Variants in CAMTA1 observed in about 807,000 individuals in gnomAD.
CAMTA1 encodes the protein calmodulin binding transcription activator 1.
Under a neutral mutation model 170.9 loss-of-function variants are expected in CAMTA1, and 27 were observed. The ratio of observed to expected loss-of-function variants is 0.16; its 90% CI spans 0.12 to 0.22. The LOEUF (loss-of-function observed/expected upper bound fraction) is 0.22. Among genes scored for constraint, CAMTA1 ranks in the 10% least tolerant of loss-of-function variants. The probability of loss-of-function intolerance (pLI) is 1.00; values close to 1 mark genes in which losing one functional copy is unlikely to be tolerated. For synonymous variants in CAMTA1, 833 were observed against 891.5 expected, an observed-to-expected ratio of 0.93 and a Z score of 1.17; for missense variants, 1,619 against 2,217.2, an observed-to-expected ratio of 0.73 and a Z score of 5.42.
chr1:7,728,069 G>A (rs560926014), intron 11 of CAMTA1, among the ~76,000 whole-genome samples: 1 of 152,356 alleles, frequency 6.6e-6, no homozygotes, highest in East Asian at 1.9e-4. Flanking sequence ...GCACATAATT[G>A]CTTCTGAGTA....
intron 6 of CAMTA1, among the ~76,000 whole-genome samples, chr1:7,600,111 T>C (rs1220720641): frequency 6.6e-6 from 1 of 152,210 alleles, no homozygotes; most frequent in Non-Finnish European, 1.5e-5. Context: ...TTGAGATACG[T>C]CCCATCAATA....
intron 11 of CAMTA1, among the ~76,000 whole-genome samples, chr1:7,728,963 C>T (rs2096711730): frequency 6.6e-6 from 1 of 152,170 alleles, no homozygotes; most frequent in African/African-American, 2.4e-5. Flanking sequence ...GAGTGAGACA[C>T]TTAGTGGCAG....
intron 5 of CAMTA1, among the ~76,000 whole-genome samples, chr1:7,287,524 G>A (rs1458012160): frequency 1.3e-5 from 2 of 151,774 alleles, no homozygotes; most frequent in Non-Finnish European, 2.9e-5. Flanking sequence ...TTTACACGTT[G>A]TATTGGTCAG....
In CAMTA1 at chr1:6,970,451, A is replaced by G. The variant is rs1692320279; in HGVS notation, c.235-120853A>G. Among the ~76,000 whole-genome samples the G allele has an allele frequency of 1.3e-5, 2 of 152,012 alleles. No individual in the cohort carries two copies. The highest frequency in any genetic ancestry group is 1.3e-4 in the Admixed American group (2 of 15,274). The stretch of plus-strand genomic sequence containing the variant: ...CAGAAGGAGTGGAGGCCGGTCCCAG[A>G]CCAGCATCGGTGAGGAGGTAATGGG... On this transcript the variant is annotated intron_variant, in intron 3 of 22. Transcript: ENST00000303635. The surrounding 1 kb of genome is among the most constrained non-coding windows in gnomAD (Gnocchi z 4.4).
intron 5 of CAMTA1, among the ~76,000 whole-genome samples, chr1:7,393,286 G>T (rs1042023537): frequency 1.1e-4 from 16 of 151,900 alleles, no homozygotes; most frequent in Middle Eastern, 6.8e-3. Flanking sequence ...TGTTTTTGAG[G>T]CAGGGTCCTA....
chr1:6,838,997 T>A (rs543945980), intron 3 of CAMTA1, among the ~76,000 whole-genome samples: 2 of 152,102 alleles, frequency 1.3e-5, no homozygotes, highest in Non-Finnish European at 2.9e-5. Context: ...CCTCAAATGA[T>A]CCTCTTGCCT....
chr1:7,686,560 G>A (rs1324146442), intron 11 of CAMTA1, among the ~76,000 whole-genome samples: 1 of 152,108 alleles, frequency 6.6e-6, no homozygotes, highest in Non-Finnish European at 1.5e-5. Context: ...GAGGCCACAT[G>A]GGATGCATCA....
chr1:7,479,704 G>A (rs2093480368), intron 6 of CAMTA1, among the ~76,000 whole-genome samples: 1 of 152,136 alleles, frequency 6.6e-6, no homozygotes, highest in Non-Finnish European at 1.5e-5. Context: ...CTGGAACCTA[G>A]GCCACCTCCC....
intron 7 of CAMTA1, among the ~76,000 whole-genome samples, chr1:7,655,698 C>T (rs554599154): frequency 2.6e-5 from 4 of 151,984 alleles, no homozygotes; most frequent in African/African-American, 9.7e-5. Flanking sequence ...TACACACACA[C>T]CTATACACAC....
chr1:7,037,455 A>G (rs140951658), intron 3 of CAMTA1, among the ~76,000 whole-genome samples: 5 of 152,304 alleles, frequency 3.3e-5, no homozygotes, highest in African/African-American at 7.2e-5. Flanking sequence ...CCCAGCCCCA[A>G]TCTGTGCTGC....
intron 5 of CAMTA1, among the ~76,000 whole-genome samples, chr1:7,270,597 A>G (rs1669658136): frequency 6.6e-6 from 1 of 152,166 alleles, no homozygotes; most frequent in South Asian, 2.1e-4. Flanking sequence ...TGCCTGGCCT[A>G]CAAGATATAT....
rs142236300 is a variant in CAMTA1, at chr1:7,109,991, A to G, written c.302+18620A>G. 6.6e-5 allele frequency among the ~76,000 whole-genome samples: 10 copies of G among 152,278 alleles called. No individual in the cohort carries two copies. The East Asian group carries it at 1.5e-3, about 23-fold the overall frequency. ...TTTGGCCTCAGTGGCTCTGCTGCCT[A>G]TGGTGAGCCGGGAAGTGAGCATGGG... is the stretch of plus-strand genomic sequence containing the variant. On this transcript the variant is annotated intron_variant, in intron 4 of 22. Coordinates refer to ENST00000303635, the MANE Select transcript of CAMTA1 (RefSeq NM_015215.4).
intron 5 of CAMTA1, among the ~76,000 whole-genome samples, chr1:7,378,260 A>G (rs1036021760): frequency 2.6e-5 from 4 of 152,208 alleles, no homozygotes; most frequent in Non-Finnish European, 4.4e-5. Flanking sequence ...ACGGCCTTGT[A>G]TGTAACTAAC....
chr1:7,419,450 C>G (rs1171646796), intron 5 of CAMTA1, among the ~76,000 whole-genome samples: 1 of 152,188 alleles, frequency 6.6e-6, no homozygotes, highest in Non-Finnish European at 1.5e-5. Context: ...AGCCACCATG[C>G]CCAGCCCCAA....
intron 5 of CAMTA1, among the ~76,000 whole-genome samples, chr1:7,296,253 G>A (rs1455048003): frequency 3.3e-5 from 5 of 152,188 alleles, no homozygotes; most frequent in African/African-American, 4.8e-5. Flanking sequence ...CTTTACAGAC[G>A]AAAATGGAGG....
intron 22 of CAMTA1, among the ~76,000 whole-genome samples, chr1:7,763,428 T>G (rs2096991208): frequency 6.6e-6 from 1 of 152,234 alleles, no homozygotes; most frequent in African/African-American, 2.4e-5. Flanking sequence ...ATCTGAAAAT[T>G]GCATTGTTCT....
chr1:7,366,506 G>A lies in CAMTA1; in HGVS notation c.439-101324G>A, dbSNP rs181803936. 1.5e-3 allele frequency among the ~76,000 whole-genome samples: 235 copies of A among 152,344 alleles called. 3 individuals carry two copies. The highest frequency in any genetic ancestry group is 0.01 in the Middle Eastern group (3 of 294). On this transcript the variant is annotated intron_variant, in intron 5 of 22. Coordinates refer to ENST00000303635, the MANE Select transcript of CAMTA1 (RefSeq NM_015215.4). The stretch of plus-strand genomic sequence containing the variant: ...TTCTTTTCTGGACTCTTGGCAAATG[G>A]AATTATTTACAACCACCAGGGCCAA...
chr1:7,223,708 T>C (rs1661214810), intron 4 of CAMTA1, among the ~76,000 whole-genome samples: 1 of 152,198 alleles, frequency 6.6e-6, no homozygotes, highest in South Asian at 2.1e-4. Context: ...CATGGATGCA[T>C]GTGCCATTGC....
intron 5 of CAMTA1, among the ~76,000 whole-genome samples, chr1:7,401,741 A>G (rs1481763019): frequency 6.6e-6 from 1 of 152,220 alleles, no homozygotes; most frequent in African/African-American, 2.4e-5. Flanking sequence ...TGTTGCTATC[A>G]TAAATGATAC....
Sources: gnomAD v4.1 joint callset for allele counts (sites outside exome capture counted in the v4.1 genomes callset) on GRCh38, gnomAD v4.1.1 for gene constraint, Gnocchi (gnomAD v3.1) non-coding constraint, MANE v1.5 for transcripts, NCBI Gene and HGNC (gene_info 2026-07-23, HGNC 2026-07-21) for gene names.